The following OGA variants were observed in gnomAD, a reference collection of about 807,000 sequenced individuals.
The protein encoded by OGA is O-GlcNAcase.
OGA carries 21 observed loss-of-function variants against 102.0 expected under a neutral mutation model. The ratio of observed to expected loss-of-function variants is 0.21; its 90% CI spans 0.15 to 0.30. The LOEUF is 0.30. Ranked by LOEUF, OGA falls within the 10% of genes least tolerant of loss-of-function variation. OGA has a pLI of 1.00. For synonymous variants in OGA, 408 were observed against 378.2 expected, an observed-to-expected ratio of 1.08 and a Z score of -0.91; for missense variants, 765 against 1,107.8, an observed-to-expected ratio of 0.69 and a Z score of 4.39.
intron 4 of OGA, among the ~76,000 whole-genome samples, chr10:101,808,840 C>T (rs1318715663): frequency 2.0e-5 from 3 of 152,072 alleles, no homozygotes; most frequent in Non-Finnish European, 4.4e-5. Context: ...TGTGGTAGCA[C>T]ATGCCTGTAA....
chr10:101,787,409 C>G lies in OGA; in HGVS notation c.2569G>C (p.Ala857Pro), dbSNP rs1261158979. 1.9e-6 allele frequency: 3 copies of G among 1,613,820 alleles called. No homozygotes were observed. The South Asian group carries it at 3.3e-5, about 18-fold the overall frequency. Residue 857 changes from alanine (A) to proline (P), a missense_variant, in exon 15 of 16, where the codon GCC becomes CCC. Ala to Pro is a conservative substitution (Grantham distance 27). Coordinates refer to ENST00000361464, the MANE Select transcript of OGA (RefSeq NM_012215.5). ...IHKKVTDPSVAKSMMACLLSS... is the reference protein window; with the variant it reads ...IHKKVTDPSVPKSMMACLLSS... ...AGGAGGCAAGCCATCATGCTTTTGG[C>G]CACACTTGGGTCAGTTACTTTTTTG...
intron 1 of OGA, among the ~76,000 whole-genome samples, chr10:101,815,937 GCCAA>G (rs1347095330): frequency 3.1e-5 from 4 of 129,628 alleles, no homozygotes; most frequent in Non-Finnish European, 6.2e-5. Flanking sequence ...TACGGCTGGT[GCCAA>G]CCAAGAGGTA....
intron 10 of OGA, 160 bp downstream of exon 10, chr10:101,797,820 C>T (rs781694582): frequency 5.2e-5 from 35 of 669,116 alleles, no homozygotes; most frequent in Non-Finnish European, 8.4e-5. Flanking sequence ...AGACTTGCAT[C>T]TCAAGTCTTC....
intron 1 of OGA, 71 bp downstream of exon 1, chr10:101,817,753 C>A: frequency 6.7e-7 from 1 of 1,497,954 alleles, no homozygotes. Context: ...TCTCCAAAAT[C>A]CCCGCCACCA....
Position 101,818,170 on chromosome 10 carries a change from C to A in OGA, c.-148G>T. 7.3e-7 allele frequency: 1 copy of A among 1,360,608 alleles called. No homozygotes were observed. The highest frequency in any genetic ancestry group is 9.4e-7 in the Non-Finnish European group (1 of 1,059,608). 84.3% of individuals were successfully genotyped at this position (1,360,608 alleles called of 1,614,324 possible). ...TCCCCCTCTGCCCTTCCCCCTCCCT[C>A]TCCGCAGGGACCCGAATGCCCGGAT... On this transcript the variant is annotated 5_prime_UTR_variant, in exon 1 of 16. Coordinates refer to ENST00000361464, the MANE Select transcript of OGA (RefSeq NM_012215.5).
chr10:101,788,124 C>T (rs1362278785), intron 14 of OGA, among the ~76,000 whole-genome samples: 4 of 134,812 alleles, frequency 3.0e-5, no homozygotes, highest in Non-Finnish European at 4.7e-5. Flanking sequence ...GAGCGAGACT[C>T]TGTCTTAAAA....
chr10:101,806,058 T>G lies in OGA; in HGVS notation c.738A>C (p.Glu246Asp), dbSNP rs762209814. The G allele has an allele frequency of 1.9e-6, 3 of 1,604,956 alleles. No homozygotes were observed. In the South Asian group the frequency reaches 3.3e-5, roughly 18 times the overall value. The change falls in exon 6 of 16, where the codon GAA becomes GAC. Residue 246 changes from glutamate to aspartate, a missense_variant. Around this residue, in one of 7 missense-constraint regions of OGA, gnomAD observed 165 missense variants for 249.7 expected, o/e 0.66. Coordinates refer to ENST00000361464, the MANE Select transcript of OGA (RefSeq NM_012215.5). ...TAAAAGACTTACCTGTCCAAAGCAC[T>G]TCAATTCCAGGTAGAAGCTTTTCAC... ...TVGEKLLPGI[E>D]VLWTGPKVVS...
chr10:101,805,806 T>C (rs999215417), intron 6 of OGA, among the ~76,000 whole-genome samples: 8 of 150,796 alleles, frequency 5.3e-5, no homozygotes, highest in Non-Finnish European at 8.9e-5. Flanking sequence ...ATACAAAAAA[T>C]TAGCCAGGCG....
chr10:101,811,559 TG>T (rs968375568), intron 3 of OGA, among the ~76,000 whole-genome samples: 5 of 151,758 alleles, frequency 3.3e-5, no homozygotes, highest in African/African-American at 1.2e-4. Context: ...AAAAATTAGC[TG>T]GGTGTGGTGA....
At chr10:101,817,739 A>C in intron 1 of OGA, 85 bp downstream of exon 1, 3 of 1,441,068 alleles carry the variant, frequency 2.1e-6, no homozygotes, top group Non-Finnish European at 9.3e-7. Context: ...CCGGCCTTTT[A>C]GAGTCTCCAA....
chr10:101,816,632 A>T (rs1447739215), intron 1 of OGA, among the ~76,000 whole-genome samples: 3 of 152,212 alleles, frequency 2.0e-5, no homozygotes, highest in African/African-American at 7.2e-5. Context: ...TAAGTCACAC[A>T]ATGCAATCAT....
At position 101,818,208 on chromosome 10, in the gene OGA, G is replaced by T. The variant is rs753378564; in HGVS notation, c.-186C>A. The T allele has an allele frequency of 2.8e-4, 382 of 1,347,614 alleles. No homozygotes were observed. Among genetic ancestry groups the T allele is most frequent in the Non-Finnish European group, 3.5e-4 (374 of 1,053,560 alleles). The allele number at this position is 1,347,614 out of a possible 1,614,324, so 83.5% of individuals were successfully genotyped here. On this transcript the variant is annotated 5_prime_UTR_variant, in exon 1 of 16. Transcript: ENST00000361464. ...CGAATGCCCGGATGAGAAGGGCGGC[G>T]GCACCGGCGCGAGCCCTTTGTCAGC... is the stretch of plus-strand genomic sequence containing the variant.
Position 101,792,898 on chromosome 10 carries a change from G to T in OGA, c.2116C>A (p.Pro706Thr). 1 of 1,613,910 alleles carries T rather than the reference G, an allele frequency of 6.2e-7. No individual in the cohort carries two copies. The highest frequency in any genetic ancestry group is 1.1e-5 in the South Asian group (1 of 91,066). Residue 706 changes from proline to threonine, a missense_variant, in exon 12 of 16, where the codon CCT becomes ACT. Physicochemically the swap from Pro to Thr is conservative, Grantham distance 38 (BLOSUM62 -1). This residue lies in a region of OGA where 146 missense variants were observed against 269.7 expected (regional missense o/e 0.54). Transcript: ENST00000361464. ...ACTTTGGAGGTAGGAGTCAGTGGAG[G>T]TGGCTGAAAAAAGAGATCATTTGCC... The part of the protein sequence containing the change: ...DGANDLFFQP[P>T]PLTPTSKVYT...
At position 101,810,178 on chromosome 10, in the gene OGA, A is replaced by C. The variant is rs758443115; in HGVS notation, c.480+6T>G. 4.4e-6 allele frequency: 7 copies of C among 1,607,194 alleles called. No individual in the cohort carries two copies. In the Admixed American group the frequency reaches 5.1e-5, roughly 12 times the overall value. ...CAGGAAAAATGAATAAAAAGTAAGG[A>C]GTTACCTGGTCCAATTTACGTTTCA... On this transcript the variant is annotated splice_donor_region_variant and intron_variant, in intron 4 of 15. Coordinates refer to ENST00000361464, the MANE Select transcript of OGA (RefSeq NM_012215.5).
intron 4 of OGA, among the ~76,000 whole-genome samples, chr10:101,809,187 A>C (rs1172630773): frequency 1.3e-5 from 2 of 152,160 alleles, no homozygotes; most frequent in Non-Finnish European, 2.9e-5. Flanking sequence ...TGTAAATTCA[A>C]GCCAAGCAGC....
At position 101,787,467 on chromosome 10, in the gene OGA, A is replaced by C; in HGVS notation, c.2511T>G (p.Ala837=). ...CCATCTTTATCAGAGAAGGGAAATTAGCAAGGAAAGTTTCTGGCAGTACTT... is the reference window on the plus strand; with the variant it reads ...CCATCTTTATCAGAGAAGGGAAATTCGCAAGGAAAGTTTCTGGCAGTACTT... The part of the protein sequence containing the change: ...EQEVLPETFL[A]NFPSLIKMDI... The change falls in exon 15 of 16, where the codon GCT becomes GCG. Residue 837 remains alanine (A), a synonymous_variant. Transcript: ENST00000361464. 1 of 1,613,888 alleles carries C rather than the reference A, an allele frequency of 6.2e-7. No homozygotes were observed. The highest frequency in any genetic ancestry group is 8.5e-7 in the Non-Finnish European group (1 of 1,179,728).
intron 3 of OGA, among the ~76,000 whole-genome samples, chr10:101,811,402 A>G: frequency 7.1e-6 from 1 of 140,078 alleles, no homozygotes; most frequent in Admixed American, 7.5e-5. Context: ...AAATGAAAAA[A>G]AATGAAAAAA....
chr10:101,810,555 G>A (rs1011826110), intron 3 of OGA, among the ~76,000 whole-genome samples: 1 of 152,188 alleles, frequency 6.6e-6, no homozygotes, highest in Non-Finnish European at 1.5e-5. Flanking sequence ...TGAACCAACA[G>A]AAAATAAGAG....
chr10:101,808,107 C>CTG (rs1000605470), intron 4 of OGA, among the ~76,000 whole-genome samples: 1 of 152,158 alleles, frequency 6.6e-6, no homozygotes, highest in African/African-American at 2.4e-5. Context: ...GCACTACAGG[C>CTG]TGAGTATTCC....
Sources: allele counts gnomAD v4.1 joint callset (sites outside exome capture counted in the v4.1 genomes callset), GRCh38; gene constraint gnomAD v4.1.1; regional missense constraint gnomAD v4.1.1; transcripts MANE v1.5; gene names NCBI Gene and HGNC (gene_info 2026-07-23, HGNC 2026-07-21).